Variants in MEIG1 observed in about 807,000 individuals in gnomAD.
The protein encoded by MEIG1 is meiosis/spermiogenesis associated 1, also known as meiosis expressed gene 1 protein homolog.
A neutral mutation model predicts 11.3 loss-of-function variants in MEIG1; 12 were observed. That is an observed-to-expected ratio of 1.07 (90% CI 0.68 to 1.73). The LOEUF (loss-of-function observed/expected upper bound fraction) is 1.73. MEIG1 is among the 40% of genes most tolerant of loss of function. The probability of loss-of-function intolerance (pLI) is 0.00; values close to 1 mark genes in which losing one functional copy is unlikely to be tolerated. For synonymous variants in MEIG1, 41 were observed against 33.2 expected, an observed-to-expected ratio of 1.24 and a Z score of -0.81; for missense variants, 119 against 104.9, an observed-to-expected ratio of 1.13 and a Z score of -0.59.
At chr10:14,975,077 G>A (rs191675336), downstream of MEIG1, among the ~76,000 whole-genome samples, 1 of 152,134 alleles carries the variant, frequency 6.6e-6, no homozygotes, top group African/African-American at 2.4e-5. Context: ...TCCAGGGGAT[G>A]GCGTATGACG....
intron 1 of MEIG1, among the ~76,000 whole-genome samples, chr10:14,962,286 A>G (rs1033911531): frequency 6.6e-6 from 1 of 152,190 alleles, no homozygotes; most frequent in African/African-American, 2.4e-5. Flanking sequence ...TGTGTTTTTA[A>G]TAAACTGAAA....
Position 14,980,730 on chromosome 10 carries a change from G to A in MEIG1, n.67-6066G>A, listed in dbSNP as rs574556455. Among the ~76,000 whole-genome samples, 18 of 152,240 alleles carry A rather than the reference G, an allele frequency of 1.2e-4. No homozygotes were observed. The South Asian group carries it at 1.4e-3, about 12-fold the overall frequency. On this transcript the variant is annotated intron_variant and non_coding_transcript_variant, in intron 1 of 2. Coordinates refer to the MEIG1 transcript ENST00000467536. ...AGCCAACGCCTCACCGAAGATGGTG[G>A]GGGAGTTCTTGAACCTTTGGGGAAG...
chr10:14,967,597 C>T (rs1291457315), intron 2 of MEIG1, among the ~76,000 whole-genome samples: 1 of 151,650 alleles, frequency 6.6e-6, no homozygotes, highest in Non-Finnish European at 1.5e-5. Flanking sequence ...CTCCACCTCC[C>T]GGGTTCAAGT....
chr10:14,963,516 C>T (rs1843039831), intron 1 of MEIG1, among the ~76,000 whole-genome samples: 1 of 152,114 alleles, frequency 6.6e-6, no homozygotes. Flanking sequence ...TCCAACTCAC[C>T]TCTTTGTCAT....
chr10:14,977,585 C>T (rs1262744508), downstream of MEIG1, among the ~76,000 whole-genome samples: 6 of 151,870 alleles, frequency 4.0e-5, no homozygotes, highest in African/African-American at 1.2e-4. Context: ...TGGGTGTACA[C>T]ACATGGGGTA....
intron 1 of MEIG1, among the ~76,000 whole-genome samples, chr10:14,979,849 A>C (rs2131281644): frequency 6.6e-6 from 1 of 152,182 alleles, no homozygotes; most frequent in East Asian, 1.9e-4. Context: ...TTAATATCGC[A>C]GTGGGTGTAC....
chr10:14,979,674 T>A (rs1176840729), intron 1 of MEIG1, among the ~76,000 whole-genome samples: 1 of 152,074 alleles, frequency 6.6e-6, no homozygotes, highest in African/African-American at 2.4e-5. Flanking sequence ...GGGATATTAT[T>A]TCAAATATCC....
intron 1 of MEIG1, among the ~76,000 whole-genome samples, chr10:14,963,661 C>T (rs1843041510): frequency 6.6e-6 from 1 of 152,116 alleles, no homozygotes; most frequent in South Asian, 2.1e-4. Flanking sequence ...TTTACATAAA[C>T]TCGTATAATA....
At chr10:14,969,184 C>T (rs554669648) in intron 2 of MEIG1, among the ~76,000 whole-genome samples, 3 of 152,338 alleles carry the variant, frequency 2.0e-5, no homozygotes, top group Non-Finnish European at 2.9e-5. Flanking sequence ...TGGTGGCTTA[C>T]GCCTCTAAGC....
chr10:14,981,003 T>C (rs1192028749), intron 1 of MEIG1, among the ~76,000 whole-genome samples: 1 of 152,178 alleles, frequency 6.6e-6, no homozygotes, highest in South Asian at 2.1e-4. Context: ...GACCTTGGTC[T>C]GTGGCTTGGG....
chr10:14,960,119 C>G (rs1161778544), intron 1 of MEIG1, among the ~76,000 whole-genome samples: 1 of 134,314 alleles, frequency 7.4e-6, no homozygotes, highest in South Asian at 2.6e-4. Flanking sequence ...CCTTAGAGAC[C>G]GGCTAATGCT....
At chr10:14,971,216 G>GATAATAATAATAATAATAATAATA (rs55964936) in intron 2 of MEIG1, among the ~76,000 whole-genome samples, 31 of 143,642 alleles carry the variant, frequency 2.2e-4, no homozygotes, top group African/African-American at 4.1e-4. Context: ...TAATAATAAT[G>GATAATAATAATAATAATAATAATA]ATAATAATAA....
At chr10:14,983,720 G>A (rs1172984791) in intron 1 of MEIG1, among the ~76,000 whole-genome samples, 2 of 152,034 alleles carry the variant, frequency 1.3e-5, no homozygotes, top group East Asian at 3.9e-4. Context: ...TTTTTGTAAT[G>A]TGCAGGGCGG....
chr10:14,958,720 C>T (rs772696612), upstream of MEIG1, among the ~76,000 whole-genome samples: 1 of 152,070 alleles, frequency 6.6e-6, no homozygotes, highest in African/African-American at 2.4e-5. Flanking sequence ...CACGGTGAAA[C>T]CCCGTCTCTA....
chr10:14,966,145 C>A (rs907099990), intron 1 of MEIG1, among the ~76,000 whole-genome samples: 1 of 144,640 alleles, frequency 6.9e-6, no homozygotes, highest in African/African-American at 2.5e-5. Context: ...CTCACTGCAA[C>A]CTCCACCTCC....
At chr10:14,978,620 G>A (rs376041702) in intron 1 of MEIG1, among the ~76,000 whole-genome samples, 14 of 151,882 alleles carry the variant, frequency 9.2e-5, no homozygotes, top group Admixed American at 3.3e-4. Context: ...TGTCACAGGG[G>A]TTGTGTTCGC....
chr10:14,962,369 A>G (rs1344913244), intron 1 of MEIG1, among the ~76,000 whole-genome samples: 2 of 152,244 alleles, frequency 1.3e-5, no homozygotes, highest in Admixed American at 1.3e-4. Flanking sequence ...AGTTCCTACT[A>G]TGGTGAAATT....
downstream of MEIG1, among the ~76,000 whole-genome samples, chr10:14,973,195 C>T (rs1843172096): frequency 6.6e-6 from 1 of 152,072 alleles, no homozygotes; most frequent in Non-Finnish European, 1.5e-5. Context: ...GTGTGATCAC[C>T]ATTAAGTATG....
intron 1 of MEIG1, among the ~76,000 whole-genome samples, chr10:14,963,687 G>A (rs928764688): frequency 1.3e-5 from 2 of 152,138 alleles, no homozygotes; most frequent in East Asian, 1.9e-4. Flanking sequence ...AAACTGGACC[G>A]GGTGCGGTGG....
Sources: gnomAD v4.1 joint callset for allele counts (sites outside exome capture counted in the v4.1 genomes callset) on GRCh38, gnomAD v4.1.1 for gene constraint, MANE v1.5 for transcripts, NCBI Gene and HGNC (gene_info 2026-07-23, HGNC 2026-07-21) for gene names.